Variants in MAMLD1 observed in about 807,000 individuals in gnomAD.
The protein encoded by MAMLD1 is mastermind-like domain-containing protein 1.
A neutral mutation model predicts 45.0 loss-of-function variants in MAMLD1; 14 were observed. The observed-to-expected ratio is 0.31, with a 90% CI of 0.21 to 0.49. MAMLD1 has a LOEUF of 0.49. Among genes scored for constraint, MAMLD1 ranks in the 20% least tolerant of loss-of-function variants. MAMLD1 has a pLI of 0.99. For synonymous variants in MAMLD1, 254 were observed against 247.8 expected (o/e 1.02, Z -0.24); for missense variants, 543 against 603.6 (o/e 0.90, Z 1.05).
chrX:150,446,573 C>T (rs2035494251), intron 2 of MAMLD1, among the ~76,000 whole-genome samples: 1 of 112,248 alleles, frequency 8.9e-6, no homozygotes, highest in African/African-American at 3.2e-5. Flanking sequence ...TCTTTGTTTC[C>T]TCATTGTCAA....
At chrX:150,403,968 G>GAGAAAGAAAGAAAGAAAGAA (rs2033914784) in intron 1 of MAMLD1, among the ~76,000 whole-genome samples, 1 of 89,844 alleles carries the variant, frequency 1.1e-5, no homozygotes, top group Non-Finnish European at 2.2e-5. Context: ...AAGAAAGAAA[G>GAGAAAGAAAGAAAGAAAGAA]AAAGAAAGAA....
chrX:150,468,412 G>A (rs1027073591), intron 3 of MAMLD1, among the ~76,000 whole-genome samples: 8 of 111,349 alleles, frequency 7.2e-5, no homozygotes, highest in African/African-American at 2.6e-4. Context: ...TCCAAAGCTG[G>A]AAAGGGGTTA....
At chrX:150,365,669 C>T (rs782454170) in intron 1 of MAMLD1, among the ~76,000 whole-genome samples, 2 of 113,286 alleles carry the variant, frequency 1.8e-5, no homozygotes, top group East Asian at 5.6e-4. Context: ...TCTTCCCGCG[C>T]CCTCCTGCCA....
chrX:150,497,465 A>G (rs1483888831), intron 5 of MAMLD1, among the ~76,000 whole-genome samples: 4 of 108,370 alleles, frequency 3.7e-5, no homozygotes, highest in Non-Finnish European at 7.6e-5. Flanking sequence ...TTGTATTTTT[A>G]GTAGAGACGG....
At chrX:150,503,586 C>T (rs1428357702) in intron 6 of MAMLD1, 69 bp downstream of exon 6, 1 of 652,821 alleles carries the variant, frequency 1.5e-6, no homozygotes, top group Non-Finnish European at 2.5e-6. Flanking sequence ...GCTCAGCCTG[C>T]CCGCCTGCCT....
intron 1 of MAMLD1, among the ~76,000 whole-genome samples, chrX:150,417,278 T>C (rs112868147): frequency 4.7e-5 from 5 of 106,736 alleles, no homozygotes; most frequent in African/African-American, 1.4e-4. Context: ...TTTGTTCTTG[T>C]GATAGTTTAC....
At chrX:150,422,683 C>T (rs1438583841) in intron 1 of MAMLD1, among the ~76,000 whole-genome samples, 3 of 112,085 alleles carry the variant, frequency 2.7e-5, no homozygotes, top group Non-Finnish European at 5.6e-5. Flanking sequence ...TCACAAAGTG[C>T]TGGGATTACA....
At chrX:150,505,605 C>T (rs1414925633) in intron 6 of MAMLD1, among the ~76,000 whole-genome samples, 4 of 111,538 alleles carry the variant, frequency 3.6e-5, no homozygotes, top group African/African-American at 1.3e-4. Flanking sequence ...TTCTGGGCAA[C>T]GCAAAAGGGC....
chrX:150,367,672 TA>T (rs782185708), intron 1 of MAMLD1, among the ~76,000 whole-genome samples: 14 of 111,786 alleles, frequency 1.3e-4, no homozygotes, highest in Middle Eastern at 9.2e-3. Context: ...ACTCGTCATT[TA>T]ACATTAGGTA....
intron 1 of MAMLD1, among the ~76,000 whole-genome samples, chrX:150,365,076 C>G (rs1220337359): frequency 9.0e-6 from 1 of 111,544 alleles, no homozygotes; most frequent in African/African-American, 3.3e-5. Flanking sequence ...CTCCCTCCCA[C>G]CTCTTCTTGT....
chrX:150,481,468 C>A (rs1557407165), intron 5 of MAMLD1, among the ~76,000 whole-genome samples: 1 of 112,063 alleles, frequency 8.9e-6, no homozygotes, highest in East Asian at 2.8e-4. Context: ...TACGGCAGTT[C>A]CTCAAAAAAT....
chrX:150,373,794 C>G (rs782804422), intron 1 of MAMLD1, among the ~76,000 whole-genome samples: 40 of 112,010 alleles, frequency 3.6e-4, no homozygotes, highest in Non-Finnish European at 6.2e-4. Context: ...TCTGGAGAAT[C>G]TGGAGCCTCT....
intron 5 of MAMLD1, among the ~76,000 whole-genome samples, chrX:150,475,847 C>A (rs1557406835): frequency 8.9e-6 from 1 of 112,264 alleles, no homozygotes; most frequent in African/African-American, 3.2e-5. Context: ...AGGGCTAGGG[C>A]AGCCTTGTGG....
chrX:150,430,838 A>G (rs2034914736), intron 1 of MAMLD1, among the ~76,000 whole-genome samples: 1 of 112,305 alleles, frequency 8.9e-6, no homozygotes, highest in Non-Finnish European at 1.9e-5. Flanking sequence ...CTCTGCCATT[A>G]CTGCACAGTC....
At position 150,443,412 on chromosome X, in the gene MAMLD1, TTTA is replaced by T. The variant is rs1293973663; in HGVS notation, c.-63-2031_-63-2029del. On this transcript the variant is annotated intron_variant, in intron 1 of 7. Coordinates refer to ENST00000370401, the MANE Select transcript of MAMLD1 (RefSeq NM_005491.5). Reference sequence around the variant, plus strand: ...TTCTTTTTATTTTATTTTATTTTATTTTATTATTATTATACTTTAAGTTTTAGG... The same window carrying T: ...TTCTTTTTATTTTATTTTATTTTATTTTATTATTATACTTTAAGTTTTAGG... Among the ~76,000 whole-genome samples, 255 of 107,522 alleles carry T rather than the reference TTTA, an allele frequency of 2.4e-3. 1 individual carries two copies. Among genetic ancestry groups the T allele is most frequent in the African/African-American group, 8.2e-3 (244 of 29,767 alleles). The allele number at this position is 107,522 out of a possible 115,157, so 93.4% of individuals were successfully genotyped here.
chrX:150,488,981 T>C (rs1358597856), intron 5 of MAMLD1, among the ~76,000 whole-genome samples: 1 of 112,368 alleles, frequency 8.9e-6, no homozygotes, highest in African/African-American at 3.2e-5. Flanking sequence ...CCTAGGAGAG[T>C]AGAGTTGTCA....
chrX:150,453,557 T>C (rs782541451), intron 2 of MAMLD1, among the ~76,000 whole-genome samples: 1 of 112,074 alleles, frequency 8.9e-6, no homozygotes, highest in African/African-American at 3.2e-5. Flanking sequence ...CCTAAAAGTG[T>C]TTCTTTTCCT....
intron 1 of MAMLD1, among the ~76,000 whole-genome samples, chrX:150,401,742 A>C (rs1557402449): frequency 9.0e-6 from 1 of 111,719 alleles, no homozygotes; most frequent in Admixed American, 9.5e-5. Flanking sequence ...AATGGAACAG[A>C]ACAGAGCCCT....
chrX:150,512,297 C>G lies in MAMLD1; in HGVS notation c.*338C>G. On this transcript the variant is annotated 3_prime_UTR_variant, in exon 8 of 8. Transcript: ENST00000370401. ...GCATATGCAGAGTCCCAAGGCCACC[C>G]CACCAGAAGTGCCCCTGCCTGGGTT... is the stretch of plus-strand genomic sequence containing the variant. 1 of 1,124,264 alleles carries G rather than the reference C, an allele frequency of 8.9e-7. No homozygotes were observed. The highest frequency in any genetic ancestry group is 1.2e-6 in the Non-Finnish European group (1 of 854,507). The allele number at this position is 1,124,264 out of a possible 1,213,427, so 92.7% of individuals were successfully genotyped here.
Sources: allele counts gnomAD v4.1 joint callset (sites outside exome capture counted in the v4.1 genomes callset), GRCh38; gene constraint gnomAD v4.1.1; transcripts MANE v1.5; gene names NCBI Gene and HGNC (gene_info 2026-07-23, HGNC 2026-07-21).